Variants in HDAC9 observed in about 807,000 individuals in gnomAD.
The protein encoded by HDAC9 is histone deacetylase 9.
In HDAC9, 41 loss-of-function variants were observed where a neutral mutation model predicts 139.4. That is an observed-to-expected ratio of 0.29 (90% CI 0.23 to 0.38). The LOEUF (loss-of-function observed/expected upper bound fraction) is 0.38, where lower values mean the gene tolerates loss of function less well. Ranked by LOEUF, HDAC9 falls within the 10% of genes least tolerant of loss-of-function variation. HDAC9 has a pLI of 1.00. For synonymous variants in HDAC9, 517 were observed against 476.2 expected (o/e 1.09, Z -1.12); for missense variants, 1,147 against 1,297.0 (o/e 0.88, Z 1.78).
chr7:18,489,791 A>G (rs1165172846), intron 1 of HDAC9, among the ~76,000 whole-genome samples: 1 of 152,078 alleles, frequency 6.6e-6, no homozygotes, highest in African/African-American at 2.4e-5. Flanking sequence ...ACAGGACTGC[A>G]CAGGGCCATA....
intron 8 of HDAC9, among the ~76,000 whole-genome samples, chr7:18,644,081 G>T (rs762605276): frequency 1.3e-5 from 2 of 152,060 alleles, no homozygotes; most frequent in Non-Finnish European, 2.9e-5. Flanking sequence ...TGTGGCATAG[G>T]ACTCATAACA....
intron 1 of HDAC9, among the ~76,000 whole-genome samples, chr7:18,304,952 G>T (rs1022603167): frequency 1.5e-5 from 2 of 133,412 alleles, no homozygotes; most frequent in African/African-American, 5.9e-5. Context: ...AACACATCCA[G>T]ATGCCATGGT....
At chr7:18,792,945 T>G (rs1040293072) in intron 16 of HDAC9, among the ~76,000 whole-genome samples, 10 of 152,164 alleles carry the variant, frequency 6.6e-5, no homozygotes, top group Non-Finnish European at 1.5e-4. Context: ...CCGATTTTTA[T>G]GTATAACTAA....
chr7:18,645,115 G>T (rs1393820434), intron 9 of HDAC9, among the ~76,000 whole-genome samples: 1 of 152,066 alleles, frequency 6.6e-6, no homozygotes, highest in African/African-American at 2.4e-5. Context: ...TACAGCCCAC[G>T]TTTTTACAGA....
At chr7:18,352,224 A>G (rs896238289) in intron 1 of HDAC9, among the ~76,000 whole-genome samples, 3 of 152,220 alleles carry the variant, frequency 2.0e-5, no homozygotes, top group South Asian at 2.1e-4. Context: ...TGAAAAATGT[A>G]CATGAATAAA....
chr7:18,143,514 T>C (rs556997685), intron 1 of HDAC9, among the ~76,000 whole-genome samples: 2 of 152,260 alleles, frequency 1.3e-5, no homozygotes, highest in South Asian at 4.1e-4. Context: ...TTAAAAGCAA[T>C]GTAATAAATT....
At chr7:18,829,378 T>G in intron 18 of HDAC9, 83 bp from the exon 19 acceptor site, 1 of 1,221,932 alleles carries the variant, frequency 8.2e-7, no homozygotes, top group Non-Finnish European at 1.2e-6. Flanking sequence ...ATATAGCATT[T>G]AAAAAAATGC....
At chr7:18,136,228 G>A (rs1288345733) in intron 1 of HDAC9, among the ~76,000 whole-genome samples, 47 of 149,862 alleles carry the variant, frequency 3.1e-4, no homozygotes, top group African/African-American at 3.7e-4. Flanking sequence ...AGTAGGTTGC[G>A]AAAATTTTCT....
intron 2 of HDAC9, among the ~76,000 whole-genome samples, chr7:18,256,941 T>C (rs1192481592): frequency 6.6e-6 from 1 of 151,328 alleles, no homozygotes; most frequent in African/African-American, 2.4e-5. Context: ...TAAAAAAAAA[T>C]AACCAGGCAT....
chr7:18,728,123 A>G (rs1376851946), intron 13 of HDAC9, among the ~76,000 whole-genome samples: 3 of 152,166 alleles, frequency 2.0e-5, no homozygotes, highest in Admixed American at 1.3e-4. Flanking sequence ...ATTTGACTCC[A>G]AAGAGTACCC....
chr7:18,522,630 A>G (rs1422871698), intron 2 of HDAC9, among the ~76,000 whole-genome samples: 1 of 151,740 alleles, frequency 6.6e-6, no homozygotes, highest in Non-Finnish European at 1.5e-5. Context: ...AAAAAAAAAC[A>G]TCTAATGAGC....
At chr7:18,593,856 A>T in intron 5 of HDAC9, 52 bp from the exon 6 acceptor site, 1 of 1,602,618 alleles carries the variant, frequency 6.2e-7, no homozygotes, top group South Asian at 1.1e-5. Flanking sequence ...TTGCTGACCA[A>T]TATGCAGTAA....
At chr7:18,198,589 TG>T (rs1252092632) in intron 2 of HDAC9, among the ~76,000 whole-genome samples, 2 of 152,198 alleles carry the variant, frequency 1.3e-5, no homozygotes, top group Non-Finnish European at 2.9e-5. Context: ...GAATACTTTC[TG>T]TTTTGAATAG....
chr7:18,664,912 T>C (rs1206784034), intron 11 of HDAC9, among the ~76,000 whole-genome samples: 1 of 152,152 alleles, frequency 6.6e-6, no homozygotes, highest in African/African-American at 2.4e-5. Context: ...CATGGTGTCT[T>C]GAACATAGTT....
At chr7:18,472,101 T>A (rs1379126290) in intron 1 of HDAC9, among the ~76,000 whole-genome samples, 1 of 152,176 alleles carries the variant, frequency 6.6e-6, no homozygotes, top group Admixed American at 6.5e-5. Context: ...AAGATTTGAT[T>A]TGGAGCCTTG....
chr7:18,577,258 C>A (rs1826268940), intron 2 of HDAC9, among the ~76,000 whole-genome samples: 2 of 152,192 alleles, frequency 1.3e-5, no homozygotes, highest in Non-Finnish European at 2.9e-5. Context: ...TCCTGCCTAC[C>A]TTTCTGACCT....
At chr7:18,339,430 T>G (rs1781828395) in intron 1 of HDAC9, among the ~76,000 whole-genome samples, 1 of 151,460 alleles carries the variant, frequency 6.6e-6, no homozygotes, top group Non-Finnish European at 1.5e-5. Context: ...AGTTCTATTT[T>G]AGCAGCAATC....
intron 6 of HDAC9, among the ~76,000 whole-genome samples, chr7:18,625,964 A>AG: frequency 7.0e-6 from 1 of 142,388 alleles, no homozygotes; most frequent in South Asian, 2.3e-4. Flanking sequence ...AAAAAAAAAA[A>AG]AAAAAAAAAA....
chr7:18,128,852 C>G (rs75764598), intron 1 of HDAC9, among the ~76,000 whole-genome samples: 23,951 of 151,928 alleles, frequency 0.16, 2,251 homozygotes, highest in South Asian at 0.34. Flanking sequence ...TCCTGTCTCT[C>G]TTTTTTTCTC....
Sources: gnomAD v4.1 joint callset for allele counts (sites outside exome capture counted in the v4.1 genomes callset) on GRCh38, gnomAD v4.1.1 for gene constraint, MANE v1.5 for transcripts, NCBI Gene and HGNC (gene_info 2026-07-23, HGNC 2026-07-21) for gene names.